ATP9A: variants seen among roughly 807,000 people sequenced by gnomAD.
The protein encoded by ATP9A is probable phospholipid-transporting ATPase IIA.
A neutral mutation model predicts 144.1 loss-of-function variants in ATP9A; 52 were observed. That is an observed-to-expected ratio of 0.36 (90% CI 0.29 to 0.45). The LOEUF (loss-of-function observed/expected upper bound fraction) is 0.45. ATP9A is among the 20% of genes least tolerant of loss of function. ATP9A has a pLI of 1.00. For synonymous variants in ATP9A, 582 were observed against 557.4 expected, an observed-to-expected ratio of 1.04 and a Z score of -0.62; for missense variants, 947 against 1,392.7, an observed-to-expected ratio of 0.68 and a Z score of 5.09.
At chr20:51,702,365 CGTGTGTGTGTGTGTGTGTGTGT>C (rs10578719) in intron 4 of ATP9A, among the ~76,000 whole-genome samples, 1 of 130,218 alleles carries the variant, frequency 7.7e-6, no homozygotes, top group African/African-American at 2.8e-5. Flanking sequence ...TGTGTGTGTT[CGTGTGTGTGTGTGTGTGTGTGT>C]GTGTGTGTGT....
At chr20:51,712,478 C>G (rs2077643889) in intron 4 of ATP9A, among the ~76,000 whole-genome samples, 1 of 152,172 alleles carries the variant, frequency 6.6e-6, no homozygotes, top group South Asian at 2.1e-4. Context: ...CCTCAATTTC[C>G]AGGATTTATA....
rs1465121438 is a variant in ATP9A at position 51,601,131 on chromosome 20, G to GGC, written c.*78_*79dup. 16 of 1,465,206 alleles carry GGC rather than the reference G, an allele frequency of 1.1e-5. No homozygotes were observed. The highest frequency in any genetic ancestry group is 7.0e-5 in the Admixed American group (3 of 43,000). The allele number at this position is 1,465,206 out of a possible 1,614,324, so 90.8% of individuals were successfully genotyped here. On this transcript the variant is annotated 3_prime_UTR_variant, in exon 28 of 28. Transcript: ENST00000338821. ...AGCAATTACTGCAAAATCCACAGGT[G>GGC]GCGGTTAATATAAATGGAACTTGAG...
Position 51,767,341 on chromosome 20 carries a change from T to C in ATP9A, c.68+961A>G, listed in dbSNP as rs568345722. Among the ~76,000 whole-genome samples the C allele has an allele frequency of 7.2e-5, 11 of 152,244 alleles. No individual in the cohort carries two copies. The South Asian group carries it at 2.1e-3, about 29-fold the overall frequency. ...CTCCAGGCCCCGCCCCCCAGAACTCTGATTGGCGGGTCTAGGCGGGGGCCG... is the reference window on the plus strand; with the variant it reads ...CTCCAGGCCCCGCCCCCCAGAACTCCGATTGGCGGGTCTAGGCGGGGGCCG... On this transcript the variant is annotated intron_variant, in intron 1 of 27. Coordinates refer to ENST00000338821, the MANE Select transcript of ATP9A (RefSeq NM_006045.3).
rs376909854 is a variant in ATP9A at position 51,629,126 on chromosome 20, C to T, written c.1669-54G>A. ...AACTGAAAGGAACACCCTCTTTCAGCGGCAAAGCCCGCTTCCCATGACAGA... is the reference window on the plus strand; with the variant it reads ...AACTGAAAGGAACACCCTCTTTCAGTGGCAAAGCCCGCTTCCCATGACAGA... On this transcript the variant is annotated intron_variant, in intron 15 of 27. Transcript: ENST00000338821. 389 of 1,402,202 alleles carry T rather than the reference C, an allele frequency of 2.8e-4. 1 individual carries two copies. The highest frequency in any genetic ancestry group is 8.8e-4 in the Middle Eastern group (5 of 5,658). The allele number at this position is 1,402,202 out of a possible 1,614,324, so 86.9% of individuals were successfully genotyped here. A position where few individuals can be genotyped will look rare whatever the true frequency, so the allele number is the denominator to read the frequency against.
chr20:51,693,319 C>A (rs2077556294), intron 7 of ATP9A, among the ~76,000 whole-genome samples: 2 of 152,158 alleles, frequency 1.3e-5, no homozygotes, highest in African/African-American at 4.8e-5. Flanking sequence ...GATCAGAGGG[C>A]TCCCAGTGGA....
intron 9 of ATP9A, among the ~76,000 whole-genome samples, chr20:51,682,645 G>A (rs1399743247): frequency 1.6e-5 from 2 of 128,032 alleles, no homozygotes; most frequent in East Asian, 2.3e-4. Flanking sequence ...GGTTTGGGGT[G>A]CAATGGTGCA....
At chr20:51,619,817 C>G (rs1353076539) in intron 19 of ATP9A, among the ~76,000 whole-genome samples, 1 of 139,778 alleles carries the variant, frequency 7.2e-6, no homozygotes, top group Non-Finnish European at 1.5e-5. Context: ...TGCGGTGAGC[C>G]GAGATCATGC....
intron 1 of ATP9A, among the ~76,000 whole-genome samples, chr20:51,766,579 C>G (rs1363463668): frequency 6.6e-6 from 1 of 152,106 alleles, no homozygotes; most frequent in Non-Finnish European, 1.5e-5. Context: ...CGGTGACTCA[C>G]GCCTGTAATC....
At position 51,712,841 on chromosome 20, in the gene ATP9A, C is replaced by G. The variant is rs1470396363; in HGVS notation, c.436+125G>C. The stretch of plus-strand genomic sequence containing the variant: ...GGAGGCCTCCCTGGTGCTGGAGTAA[C>G]CAAGCGACTGTTCCGCCACGTGGCA... On this transcript the variant is annotated intron_variant, in intron 4 of 27. Transcript: ENST00000338821. The G allele has an allele frequency of 2.3e-5, 19 of 823,384 alleles. No individual in the cohort carries two copies. In the Middle Eastern group the frequency reaches 7.3e-4, roughly 32 times the overall value. 51.0% of individuals were successfully genotyped at this position (823,384 alleles called of 1,614,324 possible).
intron 18 of ATP9A, among the ~76,000 whole-genome samples, chr20:51,624,444 C>A (rs906349788): frequency 7.2e-5 from 11 of 152,288 alleles, no homozygotes; most frequent in African/African-American, 2.6e-4. Context: ...CCTCCAGATT[C>A]AACTCCTAGT....
chr20:51,767,683 G>A (rs1849123910), intron 1 of ATP9A, among the ~76,000 whole-genome samples: 1 of 152,160 alleles, frequency 6.6e-6, no homozygotes. Flanking sequence ...AAGGGGTAGT[G>A]TCACCAAGCG....
At chr20:51,705,907 AC>A (rs1169588881) in intron 4 of ATP9A, among the ~76,000 whole-genome samples, 10 of 152,198 alleles carry the variant, frequency 6.6e-5, no homozygotes, top group African/African-American at 2.4e-4. Flanking sequence ...TTCCAGTGCC[AC>A]TGAATGCTAT....
At chr20:51,741,023 T>TTAAATTTTAATTTAATTAATTAAAAA (rs1568843743) in intron 1 of ATP9A, among the ~76,000 whole-genome samples, 14 of 98,882 alleles carry the variant, frequency 1.4e-4, no homozygotes, top group African/African-American at 3.4e-4. Context: ...TTAATTAAAA[T>TTAAATTTTAATTTAATTAATTAAAAA]TAAATTTTAA....
intron 9 of ATP9A, among the ~76,000 whole-genome samples, chr20:51,687,802 T>TGAATGAAA (rs1568820928): frequency 4.0e-5 from 6 of 150,806 alleles, no homozygotes; most frequent in South Asian, 2.1e-4. Flanking sequence ...AATGAATGAA[T>TGAATGAAA]GAAAGAGAGA....
chr20:51,655,408 AAAAC>A (rs1487229606), intron 14 of ATP9A, among the ~76,000 whole-genome samples: 3 of 152,218 alleles, frequency 2.0e-5, no homozygotes, highest in Non-Finnish European at 2.9e-5. Flanking sequence ...GAGCAAAACA[AAAAC>A]AAACAAACAA....
rs542346762 is a variant in ATP9A at position 51,660,586 on chromosome 20, T to C, written c.1294-3436A>G. Among the ~76,000 whole-genome samples the C allele has an allele frequency of 1.4e-4, 21 of 152,346 alleles. No homozygotes were observed. The South Asian group carries it at 4.1e-3, about 30-fold the overall frequency. ...ATTAATACTTTCCCACCTTTCCTAC[T>C]AAAATGTTCCAGGAAGGAGAGGAAA... On this transcript the variant is annotated intron_variant, in intron 13 of 27. Coordinates refer to ENST00000338821, the MANE Select transcript of ATP9A (RefSeq NM_006045.3).
chr20:51,689,087 C>T lies in ATP9A; in HGVS notation c.776G>A (p.Trp259Ter). Residue 259 changes from tryptophan to a stop codon, truncating the protein, a stop_gained, in exon 9 of 28, where the codon TGG becomes TAG. Transcript: ENST00000338821. LOFTEE classifies it high-confidence loss of function. ...SESLSIENTL[W>*]AGTVVASGTV... ...ACCTGATGCGACCACAGTGCCAGCC[C>T]ACAGCGTGTTCTCTATGCTCAGGCT... The T allele has an allele frequency of 6.2e-7, 1 of 1,614,156 alleles. No homozygotes were observed. Among genetic ancestry groups the T allele is most frequent in the Non-Finnish European group, 8.5e-7 (1 of 1,180,024 alleles).
intron 14 of ATP9A, among the ~76,000 whole-genome samples, chr20:51,640,256 G>A (rs2077313189): frequency 6.6e-6 from 1 of 152,212 alleles, no homozygotes; most frequent in Admixed American, 6.5e-5. Flanking sequence ...ACACTGCACT[G>A]GGGGAGTGTC....
At position 51,639,603 on chromosome 20, in the gene ATP9A, G is replaced by A. The variant is rs2077310171; in HGVS notation, c.1507-99C>T. The A allele has an allele frequency of 2.4e-6, 3 of 1,268,204 alleles. No individual in the cohort carries two copies. The South Asian group carries it at 4.5e-5, about 19-fold the overall frequency. The allele number at this position is 1,268,204 out of a possible 1,614,324, so 78.6% of individuals were successfully genotyped here. ...AAGGCAGAAGGGGGCTCAGAGACAG[G>A]GGAATCACAGTAGTCACTGCCCTTA... On this transcript the variant is annotated intron_variant, in intron 14 of 27. Coordinates refer to ENST00000338821, the MANE Select transcript of ATP9A (RefSeq NM_006045.3).
Sources: gnomAD v4.1 joint callset for allele counts (sites outside exome capture counted in the v4.1 genomes callset) on GRCh38, gnomAD v4.1.1 for gene constraint, MANE v1.5 for transcripts, NCBI Gene and HGNC (gene_info 2026-07-23, HGNC 2026-07-21) for gene names.